Variants in BRAF observed in about 807,000 individuals in gnomAD.
BRAF encodes the protein serine/threonine-protein kinase B-raf.
A neutral mutation model predicts 104.6 loss-of-function variants in BRAF; 16 were observed. That is an observed-to-expected ratio of 0.15 (90% CI 0.10 to 0.23). BRAF has a LOEUF of 0.23. BRAF is among the 10% of genes least tolerant of loss of function. BRAF has a pLI of 1.00. For synonymous variants in BRAF, 310 were observed against 341.6 expected, an observed-to-expected ratio of 0.91 and a Z score of 1.02; for missense variants, 541 against 937.3, an observed-to-expected ratio of 0.58 and a Z score of 5.52.
At chr7:140,837,496 A>T (rs560035804) in intron 2 of BRAF, among the ~76,000 whole-genome samples, 37 of 152,348 alleles carry the variant, frequency 2.4e-4, no homozygotes, top group African/African-American at 8.9e-4. Context: ...TGATATCTTA[A>T]GATTTTCAGG....
chr7:140,721,152 TATA>T lies in BRAF; in HGVS notation c.*5339_*5341del. 2 of 1,064,036 alleles carry T rather than the reference TATA, an allele frequency of 1.9e-6. No homozygotes were observed. Among genetic ancestry groups the T allele is most frequent in the Non-Finnish European group, 2.3e-6 (2 of 877,862 alleles). 65.9% of individuals were successfully genotyped at this position (1,064,036 alleles called of 1,614,324 possible). ...TCCTCATACACACTCGTCAAGTCAC[TATA>T]ATTATTCAAAATAGCTAAATAAATG... is the stretch of plus-strand genomic sequence containing the variant. On this transcript the variant is annotated 3_prime_UTR_variant, in exon 20 of 20. Transcript: ENST00000644969.
chr7:140,747,430 C>T, intron 17 of BRAF: 1 of 1,288,518 alleles, frequency 7.8e-7, no homozygotes, highest in Non-Finnish European at 1.0e-6. Flanking sequence ...TATTATACTC[C>T]CATGGAGGAC....
chr7:140,870,954 G>A (rs543094272), intron 1 of BRAF, among the ~76,000 whole-genome samples: 25 of 151,794 alleles, frequency 1.6e-4, no homozygotes, highest in East Asian at 5.8e-4. Context: ...CTGGCTGGGC[G>A]CGGTGGCTCA....
At chr7:140,822,640 C>G (rs1326475884) in intron 3 of BRAF, among the ~76,000 whole-genome samples, 6 of 152,158 alleles carry the variant, frequency 3.9e-5, no homozygotes, top group Non-Finnish European at 8.8e-5. Context: ...AGTAGTATTC[C>G]CTTTTATAGA....
chr7:140,739,072 C>T (rs1796683885), intron 18 of BRAF, among the ~76,000 whole-genome samples: 2 of 151,802 alleles, frequency 1.3e-5, no homozygotes, highest in South Asian at 4.2e-4. Context: ...CAGAAATGCC[C>T]CTCAAAAAGA....
chr7:140,726,987 CA>C lies in BRAF; in HGVS notation c.2402-472del, dbSNP rs532965848. Among the ~76,000 whole-genome samples the C allele has an allele frequency of 3.3e-5, 5 of 152,212 alleles. No individual in the cohort carries two copies. The South Asian group carries it at 1.0e-3, about 32-fold the overall frequency. The stretch of plus-strand genomic sequence containing the variant: ...AAGAGGTCAACTGATTTGTTCACAC[CA>C]CACGTTTGACAGAGAAAGAAAATCC... On this transcript the variant is annotated intron_variant, in intron 19 of 19. Coordinates refer to ENST00000644969, the MANE Select transcript of BRAF (RefSeq NM_001374258.1).
At chr7:140,732,229 TCA>T (rs1491498006) in intron 19 of BRAF, 10 of 86,114 alleles carry the variant, frequency 1.2e-4, no homozygotes, top group African/African-American at 4.1e-4. Flanking sequence ...AACTTTAATT[TCA>T]AAAAAAAAAA....
chr7:140,801,653 T>C (rs879638185), intron 5 of BRAF, 93 bp from the exon 6 acceptor site: 3 of 1,339,574 alleles, frequency 2.2e-6, no homozygotes, highest in Non-Finnish European at 2.1e-6. Context: ...ATAACAAAGT[T>C]GTAATATATT....
At chr7:140,921,313 AAAGTAC>A (rs1451687448) in intron 1 of BRAF, among the ~76,000 whole-genome samples, 1 of 152,176 alleles carries the variant, frequency 6.6e-6, no homozygotes, top group Admixed American at 6.5e-5. Flanking sequence ...TTTAATGCCA[AAAGTAC>A]AAGTACATTC....
chr7:140,731,644 T>C (rs1795972680), intron 19 of BRAF: 1 of 152,172 alleles, frequency 6.6e-6, no homozygotes, highest in Admixed American at 6.5e-5. Flanking sequence ...TAGAGTTTAG[T>C]ATCTAAATGG....
intron 12 of BRAF, among the ~76,000 whole-genome samples, chr7:140,778,896 T>C (rs1303112305): frequency 1.3e-5 from 2 of 152,126 alleles, no homozygotes; most frequent in African/African-American, 4.8e-5. Flanking sequence ...TATATACCCA[T>C]CAATGGTTAC....
chr7:140,866,834 T>C (rs1404102511), intron 1 of BRAF, among the ~76,000 whole-genome samples: 3 of 152,174 alleles, frequency 2.0e-5, no homozygotes, highest in African/African-American at 7.2e-5. Flanking sequence ...ACTAGTTTTA[T>C]GTACTTTTTC....
intron 1 of BRAF, among the ~76,000 whole-genome samples, chr7:140,914,632 A>G (rs942970296): frequency 1.3e-5 from 2 of 152,320 alleles, no homozygotes; most frequent in South Asian, 2.1e-4. Context: ...ATGGTAAAAA[A>G]AAGTTATAAA....
At chr7:140,920,944 T>C (rs1254095693) in intron 1 of BRAF, among the ~76,000 whole-genome samples, 1 of 152,210 alleles carries the variant, frequency 6.6e-6, no homozygotes, top group Non-Finnish European at 1.5e-5. Context: ...TTCAGGGTTA[T>C]GATGCAATCC....
chr7:140,787,626 A>G (rs1255775282), intron 8 of BRAF, 42 bp from the exon 9 acceptor site: 4 of 1,550,932 alleles, frequency 2.6e-6, no homozygotes, highest in Admixed American at 3.4e-5. Flanking sequence ...AAGCAAGCAT[A>G]TAATCAGAGA....
intron 3 of BRAF, among the ~76,000 whole-genome samples, chr7:140,827,606 A>G (rs1441721155): frequency 6.6e-6 from 1 of 152,196 alleles, no homozygotes; most frequent in Non-Finnish European, 1.5e-5. Flanking sequence ...GCTTTATGTG[A>G]GAATCTGGGT....
chr7:140,840,882 T>C (rs1475353271), intron 2 of BRAF, among the ~76,000 whole-genome samples: 1 of 151,484 alleles, frequency 6.6e-6, no homozygotes, highest in Non-Finnish European at 1.5e-5. Flanking sequence ...GCCTGGATAA[T>C]TTTTGTATTT....
chr7:140,778,454 G>T (rs1639679), intron 12 of BRAF, among the ~76,000 whole-genome samples: 14,854 of 151,912 alleles, frequency 0.098, 791 homozygotes, highest in South Asian at 0.19. Context: ...ACAATTACCA[G>T]GCCCTATGGA....
intron 14 of BRAF, among the ~76,000 whole-genome samples, chr7:140,771,222 G>A (rs972254572): frequency 6.6e-6 from 1 of 152,110 alleles, no homozygotes; most frequent in Non-Finnish European, 1.5e-5. Flanking sequence ...TTGAGACAGG[G>A]TCTTGCTCTG....
Sources: gnomAD v4.1 joint callset for allele counts (sites outside exome capture counted in the v4.1 genomes callset) on GRCh38, gnomAD v4.1.1 for gene constraint, MANE v1.5 for transcripts, NCBI Gene and HGNC (gene_info 2026-07-23, HGNC 2026-07-21) for gene names.